The following CACHD1 variants were observed in gnomAD, a reference collection of about 807,000 sequenced individuals.
CACHD1 encodes cache domain containing 1.
CACHD1 carries 71 observed loss-of-function variants against 138.7 expected under a neutral mutation model. The observed-to-expected ratio is 0.51, with a 90% confidence interval of 0.42 to 0.62. CACHD1 has a LOEUF of 0.62. CACHD1 is among the 20% of genes least tolerant of loss of function. CACHD1 has a pLI of 0.00. For missense variants in CACHD1, 1,389 were observed against 1,625.3 expected (o/e 0.85, Z 2.50); for synonymous variants, 578 against 591.5 (o/e 0.98, Z 0.33).
chr1:64,566,488 C>CCG lies in CACHD1; in HGVS notation c.262-15667_262-15666insGC, dbSNP rs1553133848. ...ACTGTATGTTTTCAATTCCCCCCCC[C>CCG]CCACAAGGTATGGGGGAAGTACTGC... On this transcript the variant is annotated intron_variant, in intron 2 of 26. Transcript: ENST00000651257. Among the ~76,000 whole-genome samples the CCG allele has an allele frequency of 2.1e-5, 3 of 144,580 alleles. 1 individual carries two copies. The highest frequency in any genetic ancestry group is 3.2e-5 in the Non-Finnish European group (2 of 63,408). The allele number at this position is 144,580 out of a possible 152,430, so 94.9% of individuals were successfully genotyped here.
chr1:64,587,741 C>T (rs939875910), intron 3 of CACHD1, among the ~76,000 whole-genome samples: 5 of 152,176 alleles, frequency 3.3e-5, no homozygotes, highest in African/African-American at 1.2e-4. Flanking sequence ...TAATTCGCAG[C>T]TCCCTTTGTG....
At chr1:64,579,680 T>A (rs1000833616) in intron 2 of CACHD1, among the ~76,000 whole-genome samples, 1 of 152,066 alleles carries the variant, frequency 6.6e-6, no homozygotes, top group African/African-American at 2.4e-5. Context: ...TAAGTATGTT[T>A]TAAAAGAGTT....
At chr1:64,582,331 G>A (rs1371990487) in intron 3 of CACHD1, 27 bp downstream of exon 3, 9 of 1,594,062 alleles carry the variant, frequency 5.6e-6, no homozygotes, top group Non-Finnish European at 7.7e-6. Flanking sequence ...TTTTGTTGTT[G>A]TATAAACCAG....
rs574637262 is a variant in CACHD1, at chr1:64,551,185, T to C, written c.261+529T>C. 1.3e-5 allele frequency among the ~76,000 whole-genome samples: 2 copies of C among 152,226 alleles called. 1 individual carries two copies. Among genetic ancestry groups the C allele is most frequent in the South Asian group, 4.1e-4 (2 of 4,828 alleles). On this transcript the variant is annotated intron_variant, in intron 2 of 26. Transcript: ENST00000651257. ...TCTGGCATAGAAGCAGCTCATTGGA[T>C]GTTGGCTTCTTTTGTTCTTTTCTTT... is the stretch of plus-strand genomic sequence containing the variant.
intron 25 of CACHD1, 85 bp downstream of exon 25, chr1:64,681,420 G>T (rs1650171526): frequency 1.8e-6 from 2 of 1,108,364 alleles, no homozygotes; most frequent in Non-Finnish European, 1.3e-6. Context: ...CTTTTGGCTT[G>T]TATTAAAATT....
chr1:64,518,816 A>G (rs542622152), intron 1 of CACHD1, among the ~76,000 whole-genome samples: 1 of 152,270 alleles, frequency 6.6e-6, no homozygotes, highest in South Asian at 2.1e-4. Flanking sequence ...TTTCTGGATA[A>G]CATCAGCATG....
chr1:64,471,049 T>A (rs1646141013), intron 1 of CACHD1, 107 bp downstream of exon 1: 1 of 1,138,216 alleles, frequency 8.8e-7, no homozygotes, highest in South Asian at 1.8e-5. Flanking sequence ...GCTCCTTGCA[T>A]ACATAGAGCC....
At chr1:64,573,579 A>G (rs1304990230) in intron 2 of CACHD1, among the ~76,000 whole-genome samples, 1 of 152,170 alleles carries the variant, frequency 6.6e-6, no homozygotes, top group African/African-American at 2.4e-5. Flanking sequence ...AGATATGAGT[A>G]ATAGTCATAG....
intron 1 of CACHD1, among the ~76,000 whole-genome samples, chr1:64,479,022 T>C (rs1281169071): frequency 6.6e-6 from 1 of 151,722 alleles, no homozygotes; most frequent in Non-Finnish European, 1.5e-5. Flanking sequence ...AAACCAAACA[T>C]GTCTGCAGGC....
intron 1 of CACHD1, among the ~76,000 whole-genome samples, chr1:64,538,895 A>G (rs1259241342): frequency 6.6e-6 from 1 of 152,166 alleles, no homozygotes; most frequent in Non-Finnish European, 1.5e-5. Context: ...AAACCCCAAC[A>G]GTTGTTTTCC....
intron 2 of CACHD1, among the ~76,000 whole-genome samples, chr1:64,557,861 C>T (rs1200610501): frequency 6.6e-6 from 1 of 152,016 alleles, no homozygotes; most frequent in Non-Finnish European, 1.5e-5. Flanking sequence ...TGCAATGCAG[C>T]GATCTCGGCT....
At chr1:64,639,684 T>A (rs1314290281) in intron 7 of CACHD1, among the ~76,000 whole-genome samples, 2 of 152,234 alleles carry the variant, frequency 1.3e-5, no homozygotes, top group African/African-American at 2.4e-5. Flanking sequence ...AAATCTAAAA[T>A]GGAAATGTAT....
intron 1 of CACHD1, among the ~76,000 whole-genome samples, chr1:64,471,993 G>C (rs1646148262): frequency 6.6e-6 from 1 of 152,070 alleles, no homozygotes; most frequent in African/African-American, 2.4e-5. Flanking sequence ...AACATTCTTA[G>C]ATAAAATAAC....
At chr1:64,503,610 G>C (rs901199931) in intron 1 of CACHD1, among the ~76,000 whole-genome samples, 3 of 152,116 alleles carry the variant, frequency 2.0e-5, no homozygotes, top group Non-Finnish European at 2.9e-5. Context: ...TTTGTTAGAA[G>C]GATGAAAAAG....
intron 4 of CACHD1, among the ~76,000 whole-genome samples, chr1:64,620,996 C>T (rs1230495949): frequency 6.6e-6 from 1 of 152,132 alleles, no homozygotes; most frequent in Non-Finnish European, 1.5e-5. Context: ...CTTCCACTGG[C>T]CCACTGATAG....
intron 26 of CACHD1, among the ~76,000 whole-genome samples, chr1:64,682,611 AG>A (rs1311880656): frequency 6.6e-6 from 1 of 152,206 alleles, no homozygotes; most frequent in Non-Finnish European, 1.5e-5. Flanking sequence ...AGAATATTAG[AG>A]GCCAAAGGAC....
Position 64,477,675 on chromosome 1 carries a change from C to T in CACHD1, c.198+6733C>T, listed in dbSNP as rs538713851. Among the ~76,000 whole-genome samples, 613 of 149,110 alleles carry T rather than the reference C, an allele frequency of 4.1e-3. 13 individuals carry two copies. Among genetic ancestry groups the T allele is most frequent in the African/African-American group, 0.015 (584 of 40,134 alleles). On this transcript the variant is annotated intron_variant, in intron 1 of 26. Transcript: ENST00000651257. Reference sequence around the variant, plus strand: ...CGGAGTCTCGCTCTGTCGCCCAGGCCGGACTGCGGACTGCAGTGGCACAAT... The same window carrying T: ...CGGAGTCTCGCTCTGTCGCCCAGGCTGGACTGCGGACTGCAGTGGCACAAT...
intron 1 of CACHD1, among the ~76,000 whole-genome samples, chr1:64,498,079 A>G (rs1024265989): frequency 2.6e-5 from 4 of 152,186 alleles, no homozygotes; most frequent in Admixed American, 2.6e-4. Flanking sequence ...GTGAGCTGAG[A>G]TCGTGCCACT....
intron 4 of CACHD1, among the ~76,000 whole-genome samples, chr1:64,617,673 T>C (rs1647760416): frequency 6.6e-6 from 1 of 152,190 alleles, no homozygotes. Context: ...GGGCCTTAAC[T>C]GGCATGATCA....
Sources: gnomAD v4.1 joint callset for allele counts (sites outside exome capture counted in the v4.1 genomes callset) on GRCh38, gnomAD v4.1.1 for gene constraint, MANE v1.5 for transcripts, NCBI Gene and HGNC (gene_info 2026-07-23, HGNC 2026-07-21) for gene names.